Variants in CMYA5 observed in about 807,000 individuals in gnomAD.
CMYA5 encodes cardiomyopathy-associated protein 5.
CMYA5 carries 246 observed loss-of-function variants against 318.9 expected under a neutral mutation model. That is an observed-to-expected ratio of 0.77 (90% CI 0.70 to 0.86). The LOEUF is 0.86. CMYA5 is among the 40% of genes least tolerant of loss of function. The pLI, the probability that CMYA5 is intolerant of heterozygous loss-of-function variation, is 0.00. For synonymous variants in CMYA5, 1,641 were observed against 1,729.5 expected (o/e 0.95, Z 1.27); for missense variants, 4,589 against 4,678.2 (o/e 0.98, Z 0.56).
At chr5:79,703,747 T>G (rs1827215565) in intron 1 of CMYA5, among the ~76,000 whole-genome samples, 1 of 152,218 alleles carries the variant, frequency 6.6e-6, no homozygotes, top group Non-Finnish European at 1.5e-5. Flanking sequence ...GGAGATCTAG[T>G]CAACTTTATT....
At chr5:79,706,228 G>C (rs550156004) in intron 1 of CMYA5, among the ~76,000 whole-genome samples, 24 of 152,268 alleles carry the variant, frequency 1.6e-4, no homozygotes, top group African/African-American at 5.5e-4. Context: ...AGGGTCATTT[G>C]ATTATGAGGT....
In CMYA5 at chr5:79,730,826, T is replaced by G. The variant is rs199650720; in HGVS notation, c.2061T>G (p.Ser687Arg). 1.0e-3 allele frequency: 1,669 copies of G among 1,613,810 alleles called. 1 individual carries two copies. Among genetic ancestry groups the G allele is most frequent in the Non-Finnish European group, 1.4e-3 (1,597 of 1,179,856 alleles). Residue 687 changes from serine to arginine, a missense_variant, in exon 2 of 13, where the codon AGT (serine) becomes AGG (arginine). This residue lies in a region of CMYA5 where 2,132 missense variants were observed against 2,131.3 expected (regional missense o/e 1.00). Transcript: ENST00000446378. ...TATCAGGAGACGAGGCCTCAGAAAG[T>G]GGGTGTTACACACCAGACTCCACAT... is the stretch of plus-strand genomic sequence containing the variant. ...MVLSGDEASE[S>R]GCYTPDSTSA...
chr5:79,705,800 G>A (rs1331854725), intron 1 of CMYA5, among the ~76,000 whole-genome samples: 1 of 152,152 alleles, frequency 6.6e-6, no homozygotes, highest in Admixed American at 6.5e-5. Flanking sequence ...TCTCTGGAAT[G>A]CACTGTTGAT....
At chr5:79,694,107 T>A (rs1580741464) in intron 1 of CMYA5, among the ~76,000 whole-genome samples, 1 of 152,020 alleles carries the variant, frequency 6.6e-6, no homozygotes, top group Non-Finnish European at 1.5e-5. Context: ...GTGGTCAGAG[T>A]CAAAGCTAAG....
chr5:79,698,676 C>T (rs976773403), intron 1 of CMYA5, among the ~76,000 whole-genome samples: 124 of 152,342 alleles, frequency 8.1e-4, no homozygotes, highest in African/African-American at 2.9e-3. Flanking sequence ...AGTTCACTCC[C>T]TTCTTGTCTT....
intron 1 of CMYA5, among the ~76,000 whole-genome samples, chr5:79,720,370 A>G (rs1166336503): frequency 6.6e-6 from 1 of 152,078 alleles, no homozygotes; most frequent in Non-Finnish European, 1.5e-5. Context: ...ACAATGGAAG[A>G]CAGAAGACAA....
intron 9 of CMYA5, among the ~76,000 whole-genome samples, chr5:79,785,212 T>G (rs73125676): frequency 0.025 from 3,846 of 152,228 alleles, 166 homozygotes; most frequent in African/African-American, 0.087. Context: ...TATTGTAGCT[T>G]TATAATTTAG....
chr5:79,798,600 T>C (rs1007156245), intron 12 of CMYA5, among the ~76,000 whole-genome samples: 16 of 152,306 alleles, frequency 1.1e-4, no homozygotes, highest in Non-Finnish European at 1.9e-4. Flanking sequence ...TTCCCAGCCG[T>C]GGTCCGAGTT....
At chr5:79,750,735 G>A (rs772896344) in intron 5 of CMYA5, among the ~76,000 whole-genome samples, 3 of 151,792 alleles carry the variant, frequency 2.0e-5, no homozygotes, top group African/African-American at 4.8e-5. Flanking sequence ...TTTTTTCTCC[G>A]TTTTGCTCTT....
chr5:79,707,655 T>C (rs966399413), intron 1 of CMYA5, among the ~76,000 whole-genome samples: 1 of 152,212 alleles, frequency 6.6e-6, no homozygotes, highest in Admixed American at 6.5e-5. Flanking sequence ...ATTTGCCTAG[T>C]ATGACACGAG....
chr5:79,772,255 A>G (rs947087327), intron 9 of CMYA5, among the ~76,000 whole-genome samples: 1 of 152,194 alleles, frequency 6.6e-6, no homozygotes, highest in Non-Finnish European at 1.5e-5. Flanking sequence ...GCAGGCAAGC[A>G]TATTAGGGGC....
In CMYA5 at chr5:79,735,549, G is replaced by C. The variant is rs6859595; in HGVS notation, c.6784G>C (p.Val2262Leu). Reference protein sequence around the residue: ...TLVKSGDGQNVKEKSMILSNV... With the variant: ...TLVKSGDGQNLKEKSMILSNV... ...AGTAAAATCTGGTGACGGTCAAAACGTTAAAGAAAAATCCATGATTTTATC... is the reference window on the plus strand; with the variant it reads ...AGTAAAATCTGGTGACGGTCAAAACCTTAAAGAAAAATCCATGATTTTATC... Residue 2262 changes from valine (V) to leucine (L), a missense_variant, in exon 2 of 13, where the codon GTT becomes CTT. By Grantham distance (32) the Val-to-Leu change is conservative (BLOSUM62 1). Coordinates refer to ENST00000446378, the MANE Select transcript of CMYA5 (RefSeq NM_153610.5). 0.12 allele frequency: 189,479 copies of C among 1,612,172 alleles called. 20,855 individuals carry two copies. The highest frequency in any genetic ancestry group is 0.51 in the African/African-American group (37,972 of 74,744).
At chr5:79,745,876 G>A (rs1458520601) in intron 4 of CMYA5, among the ~76,000 whole-genome samples, 1 of 152,228 alleles carries the variant, frequency 6.6e-6, no homozygotes, top group Admixed American at 6.5e-5. Context: ...CCCCCTCTGA[G>A]CCTGGCCAAG....
rs551706078 is a variant in CMYA5, at chr5:79,731,797, T to C, written c.3032T>C (p.Phe1011Ser). ...GCATCACAAGTTTCAATCCCTCCCT[T>C]TAGAATCTCAGAAACAGAGAAAAAT... ...DSASQVSIPP[F>S]RISETEKNEL... Residue 1011 changes from phenylalanine (F) to serine (S), a missense_variant, in exon 2 of 13, where the codon TTT (phenylalanine) becomes TCT (serine). By Grantham distance (155) the Phe-to-Ser change is radical (BLOSUM62 -2). This residue lies in a region of CMYA5 where 2,132 missense variants were observed against 2,131.3 expected (regional missense o/e 1.00). Transcript: ENST00000446378. 3.1e-6 allele frequency: 5 copies of C among 1,612,996 alleles called. No individual in the cohort carries two copies. In the South Asian group the frequency reaches 5.5e-5, roughly 18 times the overall value.
Position 79,735,644 on chromosome 5 carries a change from A to T in CMYA5, c.6879A>T (p.Glu2293Asp). 1 of 1,613,530 alleles carries T rather than the reference A, an allele frequency of 6.2e-7. No individual in the cohort carries two copies. Among genetic ancestry groups the T allele is most frequent in the African/African-American group, 1.3e-5 (1 of 75,010 alleles). ...CTAGGGAAGATTATGGAAAAAAAGAAATCTCAGGCGATTCAGAGGAAATGA... is the reference window on the plus strand; with the variant it reads ...CTAGGGAAGATTATGGAAAAAAAGATATCTCAGGCGATTCAGAGGAAATGA... Reference protein sequence around the residue: ...EVSREDYGKKEISGDSEEMNI... With the variant: ...EVSREDYGKKDISGDSEEMNI... The change falls in exon 2 of 13, where the codon GAA becomes GAT. Residue 2293 changes from glutamate to aspartate, a missense_variant. Around this residue, in one of 3 missense-constraint regions of CMYA5, gnomAD observed 2,431 missense variants for 2,495.1 expected, o/e 0.97. Coordinates refer to ENST00000446378, the MANE Select transcript of CMYA5 (RefSeq NM_153610.5).
At chr5:79,755,549 A>T (rs1002840080) in intron 6 of CMYA5, among the ~76,000 whole-genome samples, 2 of 152,130 alleles carry the variant, frequency 1.3e-5, no homozygotes, top group Non-Finnish European at 2.9e-5. Flanking sequence ...GGCCTCCCAA[A>T]GTGCTGGGAT....
At chr5:79,694,642 T>C (rs1453455824) in intron 1 of CMYA5, among the ~76,000 whole-genome samples, 1 of 152,234 alleles carries the variant, frequency 6.6e-6, no homozygotes, top group Non-Finnish European at 1.5e-5. Context: ...TTAAAATTAT[T>C]AGTGACATTC....
In CMYA5 at chr5:79,745,408, AC is replaced by A; in HGVS notation, c.10923del (p.Ile3642SerfsTer2). The A allele has an allele frequency of 6.2e-7, 1 of 1,613,960 alleles. No individual in the cohort carries two copies. Among genetic ancestry groups the A allele is most frequent in the Middle Eastern group, 1.6e-4 (1 of 6,062 alleles). The stretch of plus-strand genomic sequence containing the variant: ...GGACACTGCCAAAGACACCCTGGAG[AC>A]CATCGTGAGAGAAGCAGAGGAGCTT... ...SMDTAKDTLETIVREAEELDE... is the reference protein window; with the variant it reads ...SMDTAKDTLEXIVREAEELDE... On this transcript the variant is annotated frameshift_variant, in exon 4 of 13. Coordinates refer to ENST00000446378, the MANE Select transcript of CMYA5 (RefSeq NM_153610.5). LOFTEE classifies it high-confidence loss of function.
At chr5:79,762,025 G>A (rs1373203974) in intron 8 of CMYA5, 68 bp downstream of exon 8, 27 of 1,492,400 alleles carry the variant, frequency 1.8e-5, no homozygotes, top group Non-Finnish European at 2.3e-5. Flanking sequence ...CTTGAGATCA[G>A]CCAGTAAGTG....
Sources: allele counts gnomAD v4.1 joint callset (sites outside exome capture counted in the v4.1 genomes callset), GRCh38; gene constraint gnomAD v4.1.1; regional missense constraint gnomAD v4.1.1; transcripts MANE v1.5; gene names NCBI Gene and HGNC (gene_info 2026-07-23, HGNC 2026-07-21).